The following AP5Z1 variants were observed in gnomAD, a reference collection of about 807,000 sequenced individuals.
The protein encoded by AP5Z1 is adaptor related protein complex 5 subunit zeta 1, also known as AP-5 complex subunit zeta-1.
A neutral mutation model predicts 83.0 loss-of-function variants in AP5Z1; 106 were observed. That is an observed-to-expected ratio of 1.28 (90% CI 1.09 to 1.50). The LOEUF (loss-of-function observed/expected upper bound fraction) is 1.50, where lower values mean the gene tolerates loss of function less well. AP5Z1 is among the 40% of genes most tolerant of loss of function. AP5Z1 has a pLI of 0.00. For synonymous variants in AP5Z1, 751 were observed against 514.1 expected (o/e 1.46, Z -6.23); for missense variants, 1,565 against 1,094.2 (o/e 1.43, Z -6.07).
chr7:4,790,142 G>A (rs962468988), intron 14 of AP5Z1: 71 of 1,471,662 alleles, frequency 4.8e-5, no homozygotes, highest in Middle Eastern at 1.7e-4. Context: ...TCTTTCTGCC[G>A]AGCCTGTCCT....
At chr7:4,779,347 A>ATGTT (rs1562402914) in intron 1 of AP5Z1, among the ~76,000 whole-genome samples, 1 of 144,024 alleles carries the variant, frequency 6.9e-6, no homozygotes, top group African/African-American at 2.7e-5. Flanking sequence ...TATAACATAT[A>ATGTT]ACATGTTATA....
rs911948934 is a variant in AP5Z1, at chr7:4,792,538, A to G, written c.*1153A>G. 4 of 152,258 alleles carry G rather than the reference A, an allele frequency of 2.6e-5. No homozygotes were observed. The highest frequency in any genetic ancestry group is 2.9e-5 in the Non-Finnish European group (2 of 68,100). The allele number at this position is 152,258 out of a possible 1,614,324, so 9.4% of individuals were successfully genotyped here. ...CCGTGCGGGCTCAGGAGCTCCCCAG[A>G]TGCCCGAGCCGAACCGCGGGGTCCT... On this transcript the variant is annotated 3_prime_UTR_variant, in exon 17 of 17. Coordinates refer to ENST00000649063, the MANE Select transcript of AP5Z1 (RefSeq NM_014855.3).
In AP5Z1 at chr7:4,781,614, C is replaced by T; in HGVS notation, c.226C>T (p.Pro76Ser). 1 of 1,610,034 alleles carries T rather than the reference C, an allele frequency of 6.2e-7. No individual in the cohort carries two copies. The change falls in exon 3 of 17, where the codon CCT becomes TCT. Residue 76 changes from proline to serine, a missense_variant. Physicochemically the swap from Pro to Ser is moderately conservative, Grantham distance 74. Coordinates refer to ENST00000649063, the MANE Select transcript of AP5Z1 (RefSeq NM_014855.3). Reference sequence around the variant, plus strand: ...CCTGCTGCAGGCCACCCTCGGCCTGCCTGCATGCCCCGAGCAGCTCCAGGT... The same window carrying T: ...CCTGCTGCAGGCCACCCTCGGCCTGTCTGCATGCCCCGAGCAGCTCCAGGT... ...VDLLQATLGLPACPEQLQVLC... is the reference protein window; with the variant it reads ...VDLLQATLGLSACPEQLQVLC...
At chr7:4,785,486 C>A (rs73671923) in intron 8 of AP5Z1, 34 bp downstream of exon 8, 1 of 1,612,628 alleles carries the variant, frequency 6.2e-7, no homozygotes, top group Non-Finnish European at 8.5e-7. Flanking sequence ...TGGGAGGCAG[C>A]GACTCGGCCC....
At chr7:4,789,750 A>T (rs1259662126) in intron 13 of AP5Z1, 82 bp from the exon 14 acceptor site, 1 of 1,068,450 alleles carries the variant, frequency 9.4e-7, no homozygotes, top group Non-Finnish European at 1.4e-6. Context: ...CCTGCCCCCC[A>T]GCCCTCACCA....
intron 5 of AP5Z1, 119 bp from the exon 6 acceptor site, chr7:4,784,084 C>T (rs1324342964): frequency 1.4e-5 from 18 of 1,267,406 alleles, no homozygotes; most frequent in South Asian, 1.0e-4. Context: ...CAGGGCGGGC[C>T]GCTGCCCGGG....
Position 4,790,663 on chromosome 7 carries a change from C to G in AP5Z1, c.1939-10C>G, listed in dbSNP as rs769275735. The G allele has an allele frequency of 7.4e-6, 12 of 1,612,184 alleles. No homozygotes were observed. The East Asian group carries it at 2.7e-4, about 36-fold the overall frequency. On this transcript the variant is annotated splice_polypyrimidine_tract_variant and intron_variant, in intron 15 of 16. Transcript: ENST00000649063. ...CTGGGTGGGGGCTGAATCTCTGTCCCCGGGCCTAGGTGTGGGCCATCGGCG... is the reference window on the plus strand; with the variant it reads ...CTGGGTGGGGGCTGAATCTCTGTCCGCGGGCCTAGGTGTGGGCCATCGGCG...
chr7:4,783,918 G>A (rs1781456623), intron 5 of AP5Z1, 120 bp downstream of exon 5: 4 of 1,127,874 alleles, frequency 3.5e-6, no homozygotes, highest in South Asian at 1.6e-5. Flanking sequence ...GGACGAGCCT[G>A]CCTCTGCTGC....
At position 4,791,708 on chromosome 7, in the gene AP5Z1, A is replaced by G; in HGVS notation, c.*323A>G. The G allele has an allele frequency of 2.3e-6, 1 of 428,714 alleles. No homozygotes were observed. 26.6% of individuals were successfully genotyped at this position (428,714 alleles called of 1,614,324 possible). ...GTTTCCTAGTCTTTTGTTTTTGGAC[A>G]GTTGATGGGCAAGAAGAGCTGCAGT... On this transcript the variant is annotated 3_prime_UTR_variant, in exon 17 of 17. Coordinates refer to ENST00000649063, the MANE Select transcript of AP5Z1 (RefSeq NM_014855.3).
rs1165823446 is a variant in AP5Z1 at position 4,788,941 on chromosome 7, C to T, written c.1697C>T (p.Ala566Val). The change falls in exon 13 of 17, where the codon GCA (alanine) becomes GTA (valine). Residue 566 changes from alanine to valine, a missense_variant. Coordinates refer to ENST00000649063, the MANE Select transcript of AP5Z1 (RefSeq NM_014855.3). ...VPTLLQAFFS[A>V]VTQVADGSLI... Reference sequence around the variant, plus strand: ...ACGCTGCTGCAGGCATTCTTCTCAGCAGTGACCCAGGTGAGCTCGCTGCCT... The same window carrying T: ...ACGCTGCTGCAGGCATTCTTCTCAGTAGTGACCCAGGTGAGCTCGCTGCCT... The T allele has an allele frequency of 1.2e-5, 20 of 1,610,954 alleles. No individual in the cohort carries two copies. The highest frequency in any genetic ancestry group is 1.7e-5 in the Admixed American group (1 of 59,896).
At position 4,792,252 on chromosome 7, in the gene AP5Z1, CA is replaced by C. The variant is rs1413457155; in HGVS notation, c.*868del. ...CGGTGCCTGGGACGGGCTCAGCCGCCAGGGGGCGCCGCCGCCCCGAGAGCCT... is the reference window on the plus strand; with the variant it reads ...CGGTGCCTGGGACGGGCTCAGCCGCCGGGGGCGCCGCCGCCCCGAGAGCCT... On this transcript the variant is annotated 3_prime_UTR_variant, in exon 17 of 17. Transcript: ENST00000649063. 1.3e-5 allele frequency: 2 copies of C among 152,312 alleles called. No homozygotes were observed. The highest frequency in any genetic ancestry group is 2.9e-5 in the Non-Finnish European group (2 of 68,128). 9.4% of individuals were successfully genotyped at this position (152,312 alleles called of 1,614,324 possible).
In AP5Z1 at chr7:4,790,690, G is replaced by C. The variant is rs1363361763; in HGVS notation, c.1956G>C (p.Glu652Asp). 9 of 1,611,816 alleles carry C rather than the reference G, an allele frequency of 5.6e-6. No individual in the cohort carries two copies. The highest frequency in any genetic ancestry group is 7.6e-6 in the Non-Finnish European group (9 of 1,179,644). Residue 652 changes from glutamate to aspartate, a missense_variant, in exon 16 of 17, where the codon GAG becomes GAC. Coordinates refer to ENST00000649063, the MANE Select transcript of AP5Z1 (RefSeq NM_014855.3). ...GGGCCTAGGTGTGGGCCATCGGCGAGTACCTGTCGGTGACCTACGATCGGA... is the reference window on the plus strand; with the variant it reads ...GGGCCTAGGTGTGGGCCATCGGCGACTACCTGTCGGTGACCTACGATCGGA... ...LVTSVVWAIG[E>D]YLSVTYDRRC... is the part of the protein sequence containing the mutation.
intron 1 of AP5Z1, among the ~76,000 whole-genome samples, chr7:4,776,023 G>GT (rs1267294893): frequency 6.6e-6 from 1 of 152,196 alleles, no homozygotes; most frequent in African/African-American, 2.4e-5. Context: ...CCAGTCGACA[G>GT]TTTAGTCAAA....
chr7:4,790,569 G>C lies in AP5Z1; in HGVS notation c.1916G>C (p.Arg639Thr), dbSNP rs201798269. The part of the protein sequence containing the change: ...FLGSVNGLCS[R>T]ASLVTSVVWA... ...GGCAGCGTGAATGGTCTCTGCAGCA[G>C]GGCGAGCCTCGTCACCAGCGTGGTA... Residue 639 changes from arginine to threonine, a missense_variant, in exon 15 of 17, where the codon AGG (arginine) becomes ACG (threonine). Transcript: ENST00000649063. 67 of 1,613,056 alleles carry C rather than the reference G, an allele frequency of 4.2e-5. 1 individual carries two copies. The African/African-American group carries it at 5.2e-4, about 13-fold the overall frequency.
intron 10 of AP5Z1, among the ~76,000 whole-genome samples, chr7:4,786,733 A>G (rs567043747): frequency 2.6e-5 from 4 of 151,048 alleles, no homozygotes; most frequent in Admixed American, 6.6e-5. Flanking sequence ...CTCCCCCGGG[A>G]GCCCTGCCTG....
intron 9 of AP5Z1, 80 bp downstream of exon 9, chr7:4,785,764 T>G: frequency 1.8e-6 from 2 of 1,092,598 alleles, no homozygotes; most frequent in African/African-American, 1.9e-5. Flanking sequence ...TCTTCCCTTT[T>G]TTTTTTTTTT....
In AP5Z1 at chr7:4,790,719, G is replaced by A. The variant is rs185242433; in HGVS notation, c.1985G>A (p.Cys662Tyr). Residue 662 changes from cysteine (C) to tyrosine (Y), a missense_variant, in exon 16 of 17, where the codon TGC becomes TAC. Cys to Tyr is a radical substitution (Grantham distance 194, BLOSUM62 -2). Coordinates refer to ENST00000649063, the MANE Select transcript of AP5Z1 (RefSeq NM_014855.3). ...EYLSVTYDRR[C>Y]TVEQINKFFE... Reference sequence around the variant, plus strand: ...CTGTCGGTGACCTACGATCGGAGGTGCACCGTGGAGCAGATCAACAAGTTC... The same window carrying A: ...CTGTCGGTGACCTACGATCGGAGGTACACCGTGGAGCAGATCAACAAGTTC... The A allele has an allele frequency of 8.7e-6, 14 of 1,610,826 alleles. No individual in the cohort carries two copies. In the African/African-American group the frequency reaches 1.6e-4, roughly 18 times the overall value.
Position 4,788,946 on chromosome 7 carries a change from A to T in AP5Z1, c.1702A>T (p.Thr568Ser). Residue 568 changes from threonine (T) to serine (S), a missense_variant, in exon 13 of 17, where the codon ACC (threonine) becomes TCC (serine). By Grantham distance (58) the Thr-to-Ser change is moderately conservative. Coordinates refer to ENST00000649063, the MANE Select transcript of AP5Z1 (RefSeq NM_014855.3). The part of the protein sequence containing the change: ...TLLQAFFSAV[T>S]QVADGSLINQ... Reference sequence around the variant, plus strand: ...GCTGCAGGCATTCTTCTCAGCAGTGACCCAGGTGAGCTCGCTGCCTGGGGC... The same window carrying T: ...GCTGCAGGCATTCTTCTCAGCAGTGTCCCAGGTGAGCTCGCTGCCTGGGGC... 8 of 1,610,822 alleles carry T rather than the reference A, an allele frequency of 5.0e-6. No individual in the cohort carries two copies. The highest frequency in any genetic ancestry group is 6.8e-6 in the Non-Finnish European group (8 of 1,179,254).
In AP5Z1 at chr7:4,791,213, C is replaced by G; in HGVS notation, c.2252C>G (p.Ala751Gly). Residue 751 changes from alanine (A) to glycine (G), a missense_variant, in exon 17 of 17, where the codon GCC becomes GGC. By Grantham distance (60) the Ala-to-Gly change is moderately conservative (BLOSUM62 0). Transcript: ENST00000649063. ...GGCGCGGAAGCCATCCGTACCCGGGCCACAGAGCTGCTGACCCTGCTGAAG... is the reference window on the plus strand; with the variant it reads ...GGCGCGGAAGCCATCCGTACCCGGGGCACAGAGCTGCTGACCCTGCTGAAG... ...EEGAEAIRTR[A>G]TELLTLLKMP... 6.2e-7 allele frequency: 1 copy of G among 1,612,780 alleles called. No individual in the cohort carries two copies.
Sources: gnomAD v4.1 joint callset for allele counts (sites outside exome capture counted in the v4.1 genomes callset) on GRCh38, gnomAD v4.1.1 for gene constraint, MANE v1.5 for transcripts, NCBI Gene and HGNC (gene_info 2026-07-23, HGNC 2026-07-21) for gene names.